SYDE2: variants seen among roughly 807,000 people sequenced by gnomAD.
The protein encoded by SYDE2 is rho GTPase-activating protein SYDE2.
A neutral mutation model predicts 91.5 loss-of-function variants in SYDE2; 76 were observed. The observed-to-expected ratio is 0.83, with a 90% confidence interval of 0.69 to 1.01. The LOEUF is 1.01. Among genes scored for constraint, SYDE2 ranks in the 50% least tolerant of loss-of-function variants. The pLI is 0.00. For missense variants in SYDE2, 1,364 were observed against 1,367.7 expected, an observed-to-expected ratio of 1.00 and a Z score of 0.04; for synonymous variants, 513 against 506.4, an observed-to-expected ratio of 1.01 and a Z score of -0.18.
intron 3 of SYDE2, chr1:85,181,663 CA>C (rs1402985392): frequency 1.3e-5 from 2 of 152,920 alleles, no homozygotes; most frequent in African/African-American, 4.8e-5. Context: ...AATATTTACT[CA>C]TTGTCTTTTA....
At chr1:85,167,639 C>T (rs1266257309) in intron 5 of SYDE2, among the ~76,000 whole-genome samples, 7 of 152,130 alleles carry the variant, frequency 4.6e-5, no homozygotes, top group South Asian at 4.1e-4. Context: ...TTTGTAGAGA[C>T]GGTTTCGCCA....
At chr1:85,178,861 T>C (rs527690009) in intron 3 of SYDE2, among the ~76,000 whole-genome samples, 1 of 151,962 alleles carries the variant, frequency 6.6e-6, no homozygotes, top group African/African-American at 2.4e-5. Context: ...TATAAAGTGA[T>C]GGAGGAAATT....
intron 1 of SYDE2, among the ~76,000 whole-genome samples, chr1:85,195,755 A>G (rs1302871634): frequency 1.3e-5 from 2 of 152,076 alleles, no homozygotes; most frequent in Non-Finnish European, 2.9e-5. Context: ...TCAAGGCAGT[A>G]CTCCTCAACT....
At chr1:85,177,531 A>G (rs1294330083) in intron 4 of SYDE2, among the ~76,000 whole-genome samples, 2 of 152,072 alleles carry the variant, frequency 1.3e-5, no homozygotes, top group Admixed American at 6.6e-5. Context: ...TCTCAAAGTC[A>G]TATCTGTCTG....
chr1:85,170,099 C>T (rs1043858883), intron 4 of SYDE2, among the ~76,000 whole-genome samples: 2 of 146,152 alleles, frequency 1.4e-5, no homozygotes, highest in African/African-American at 2.5e-5. Flanking sequence ...TGATTCTATA[C>T]GAAGCTTCCC....
intron 1 of SYDE2, among the ~76,000 whole-genome samples, chr1:85,191,302 A>T (rs139797948): frequency 1.2e-4 from 18 of 152,300 alleles, no homozygotes; most frequent in African/African-American, 4.3e-4. Context: ...AGTTCTAAAT[A>T]TCTAGGGCAG....
At chr1:85,152,692 T>C (rs1302643439), downstream of SYDE2, 1 of 152,216 alleles carries the variant, frequency 6.6e-6, no homozygotes, top group African/African-American at 2.4e-5. Flanking sequence ...TAGATTGTTA[T>C]ACAAAGTCCC....
intron 3 of SYDE2, 66 bp from the exon 4 acceptor site, chr1:85,178,338 A>G (rs1332209312): frequency 1.4e-6 from 2 of 1,413,536 alleles, no homozygotes; most frequent in Non-Finnish European, 1.9e-6. Flanking sequence ...TGCATTATAG[A>G]TCACATGAAC....
chr1:85,163,124 TGAGA>T, intron 6 of SYDE2, among the ~76,000 whole-genome samples: 1 of 151,436 alleles, frequency 6.6e-6, no homozygotes, highest in African/African-American at 2.4e-5. Flanking sequence ...TTTTTTTTTT[TGAGA>T]CGGAGTCTCA....
chr1:85,180,506 A>G (rs966652032), intron 3 of SYDE2, among the ~76,000 whole-genome samples: 2 of 152,140 alleles, frequency 1.3e-5, no homozygotes, highest in Non-Finnish European at 2.9e-5. Context: ...CCTGGCTAAC[A>G]TGGTGAAACC....
At chr1:85,175,207 AATTAT>A (rs1657649607) in intron 4 of SYDE2, among the ~76,000 whole-genome samples, 1 of 152,240 alleles carries the variant, frequency 6.6e-6, no homozygotes, top group African/African-American at 2.4e-5. Flanking sequence ...CCCTATAAAG[AATTAT>A]GAATAGGCTG....
downstream of SYDE2, among the ~76,000 whole-genome samples, chr1:85,155,009 C>CAAAAAAAAAAAAAAAGAAAA (rs1656844383): frequency 1.2e-5 from 1 of 80,676 alleles, no homozygotes; most frequent in Non-Finnish European, 2.3e-5. Context: ...AAGAATGCAG[C>CAAAAAAAAAAAAAAAGAAAA]AAAAAAAAAA....
At chr1:85,168,945 G>T in intron 5 of SYDE2, 99 bp downstream of exon 5, 1 of 1,090,622 alleles carries the variant, frequency 9.2e-7, no homozygotes, top group Non-Finnish European at 1.4e-6. Context: ...ATCCATGAGT[G>T]CCACAAATGT....
At chr1:85,196,148 A>T (rs1323468771) in intron 1 of SYDE2, among the ~76,000 whole-genome samples, 1 of 152,254 alleles carries the variant, frequency 6.6e-6, no homozygotes, top group Non-Finnish European at 1.5e-5. Context: ...ATTCATATAC[A>T]TAAAACTGAA....
chr1:85,183,304 ATTC>A, intron 2 of SYDE2, 104 bp from the exon 3 acceptor site: 11 of 1,042,592 alleles, frequency 1.1e-5, no homozygotes, highest in Non-Finnish European at 1.4e-5. Context: ...ATAGGCAGAA[ATTC>A]TTCTCTTATT....
At chr1:85,190,830 T>C in intron 1 of SYDE2, 78 bp from the exon 2 acceptor site, 1 of 1,254,782 alleles carries the variant, frequency 8.0e-7, no homozygotes, top group Non-Finnish European at 1.1e-6. Flanking sequence ...ACCAGTTATT[T>C]AAAAAAATTT....
chr1:85,190,731 C>G lies in SYDE2; in HGVS notation c.767G>C (p.Gly256Ala). The change falls in exon 2 of 7, where the codon GGG becomes GCG. Residue 256 changes from glycine to alanine, a missense_variant. Physicochemically the swap from Gly to Ala is moderately conservative, Grantham distance 60 (BLOSUM62 0). Coordinates refer to ENST00000341460, the MANE Select transcript of SYDE2 (RefSeq NM_032184.2). Reference protein sequence around the residue: ...TLTDLFENAYGSSMKGRELEE... With the variant: ...TLTDLFENAYASSMKGRELEE... ...AAGTTCTCTTCCCTTCATTGAAGACCCATAGGCATTTTCAAATAAATCTGT... is the reference window on the plus strand; with the variant it reads ...AAGTTCTCTTCCCTTCATTGAAGACGCATAGGCATTTTCAAATAAATCTGT... 6.3e-7 allele frequency: 1 copy of G among 1,598,232 alleles called. No homozygotes were observed. Among genetic ancestry groups the G allele is most frequent in the Non-Finnish European group, 8.5e-7 (1 of 1,173,458 alleles).
chr1:85,161,019 C>A, intron 6 of SYDE2: 1 of 980,334 alleles, frequency 1.0e-6, no homozygotes, highest in East Asian at 1.1e-4. Flanking sequence ...TTTTAGACTA[C>A]TGATGTCAGA....
intron 1 of SYDE2, among the ~76,000 whole-genome samples, chr1:85,192,178 T>C (rs1658394857): frequency 1.3e-5 from 2 of 152,112 alleles, no homozygotes; most frequent in Admixed American, 1.3e-4. Context: ...TCCCTTCTAC[T>C]GAAAAGAAAA....
Sources: gnomAD v4.1 joint callset for allele counts (sites outside exome capture counted in the v4.1 genomes callset) on GRCh38, gnomAD v4.1.1 for gene constraint, MANE v1.5 for transcripts, NCBI Gene and HGNC (gene_info 2026-07-23, HGNC 2026-07-21) for gene names.